PARD3: variants seen among roughly 807,000 people sequenced by gnomAD.
PARD3 encodes the protein partitioning defective 3 homolog.
Under a neutral mutation model 155.4 loss-of-function variants are expected in PARD3, and 75 were observed. The ratio of observed to expected loss-of-function variants is 0.48; its 90% CI spans 0.40 to 0.58. The LOEUF (loss-of-function observed/expected upper bound fraction) is 0.58, where lower values mean the gene tolerates loss of function less well. Ranked by LOEUF, PARD3 falls within the 20% of genes least tolerant of loss-of-function variation. The pLI is 0.00. For synonymous variants in PARD3, 576 were observed against 610.5 expected (o/e 0.94, Z 0.83); for missense variants, 1,642 against 1,721.7 (o/e 0.95, Z 0.82).
At chr10:34,434,511 G>A (rs2076095558) in intron 5 of PARD3, among the ~76,000 whole-genome samples, 1 of 152,206 alleles carries the variant, frequency 6.6e-6, no homozygotes, top group Non-Finnish European at 1.5e-5. Context: ...ACTTCAAGCA[G>A]CTGTTAACCA....
At chr10:34,444,956 G>A (rs1355619468) in intron 5 of PARD3, among the ~76,000 whole-genome samples, 5 of 152,092 alleles carry the variant, frequency 3.3e-5, no homozygotes, top group African/African-American at 1.2e-4. Flanking sequence ...AACCACTGGA[G>A]GCACATAAAA....
chr10:34,274,095 C>T (rs1955761927), intron 21 of PARD3, among the ~76,000 whole-genome samples: 1 of 152,082 alleles, frequency 6.6e-6, no homozygotes, highest in African/African-American at 2.4e-5. Flanking sequence ...AGGTGACAAC[C>T]AATGACTTTC....
intron 2 of PARD3, among the ~76,000 whole-genome samples, chr10:34,664,595 C>T (rs1356934968): frequency 6.6e-6 from 1 of 152,182 alleles, no homozygotes; most frequent in Non-Finnish European, 1.5e-5. Flanking sequence ...CAGAGATTCT[C>T]CTGCCTCAGC....
intron 1 of PARD3, among the ~76,000 whole-genome samples, chr10:34,729,009 C>G (rs2094768859): frequency 6.6e-6 from 1 of 152,136 alleles, no homozygotes; most frequent in African/African-American, 2.4e-5. Context: ...CTGCAGTATT[C>G]AGGACAGTAA....
In PARD3 at chr10:34,470,202, G is replaced by A. The variant is rs1337493336; in HGVS notation, c.465C>T (p.Val155=). The part of the protein sequence containing the change: ...DPALIGLSTS[V]SDSNFSSEEP... ...CTTCAGAGGAAAAATTACTATCACT[G>A]ACAGAAGTGGAGAGGCCAATTAGAG... The change falls in exon 4 of 25, where the codon GTC becomes GTT. Residue 155 remains valine, a synonymous_variant. Coordinates refer to ENST00000374788, the MANE Select transcript of PARD3 (RefSeq NM_001184785.2). 6.2e-7 allele frequency: 1 copy of A among 1,613,044 alleles called. No individual in the cohort carries two copies. The highest frequency in any genetic ancestry group is 1.3e-5 in the African/African-American group (1 of 74,906).
rs1953326508 is a variant in PARD3, at chr10:34,237,722, C to T, written c.3419+31935G>A. 2.0e-5 allele frequency among the ~76,000 whole-genome samples: 3 copies of T among 152,290 alleles called. No individual in the cohort carries two copies. In the South Asian group the frequency reaches 6.2e-4, roughly 32 times the overall value. On this transcript the variant is annotated intron_variant, in intron 22 of 24. Coordinates refer to ENST00000374788, the MANE Select transcript of PARD3 (RefSeq NM_001184785.2). Reference sequence around the variant, plus strand: ...ATTATTCTGATATATATTATAACCCCACATTACATTGTTAAAATAATAAAG... The same window carrying T: ...ATTATTCTGATATATATTATAACCCTACATTACATTGTTAAAATAATAAAG...
At chr10:34,241,391 C>T (rs1240964161) in intron 22 of PARD3, among the ~76,000 whole-genome samples, 1 of 152,042 alleles carries the variant, frequency 6.6e-6, no homozygotes, top group Non-Finnish European at 1.5e-5. Flanking sequence ...CTGGGGAGCA[C>T]CGGTGGAGGG....
chr10:34,271,195 T>G (rs1309609410), intron 21 of PARD3, among the ~76,000 whole-genome samples: 1 of 151,630 alleles, frequency 6.6e-6, no homozygotes, highest in Non-Finnish European at 1.5e-5. Context: ...TTCAAAAGAA[T>G]TCAGAAAAGA....
chr10:34,214,463 C>G (rs954866553), intron 22 of PARD3, among the ~76,000 whole-genome samples: 1 of 152,056 alleles, frequency 6.6e-6, no homozygotes, highest in South Asian at 2.1e-4. Context: ...TGGTGATGCC[C>G]GTTTCTGGGC....
intron 23 of PARD3, among the ~76,000 whole-genome samples, chr10:34,125,753 T>C (rs532854023): frequency 1.0e-3 from 154 of 152,174 alleles, no homozygotes; most frequent in Middle Eastern, 6.8e-3. Flanking sequence ...GAGAAGAGGA[T>C]ATTCACATTG....
intron 22 of PARD3, among the ~76,000 whole-genome samples, chr10:34,155,814 C>T (rs1372094291): frequency 6.6e-6 from 1 of 151,988 alleles, no homozygotes; most frequent in Admixed American, 6.6e-5. Flanking sequence ...CATGCAGACG[C>T]TCTGAGAATT....
At chr10:34,543,123 A>G (rs539929312) in intron 2 of PARD3, among the ~76,000 whole-genome samples, 75 of 150,758 alleles carry the variant, frequency 5.0e-4, no homozygotes, top group African/African-American at 1.2e-3. Flanking sequence ...AATTTAGGGG[A>G]AAAAAAAGCA....
chr10:34,282,168 A>T (rs894067446), intron 21 of PARD3, among the ~76,000 whole-genome samples: 1 of 147,870 alleles, frequency 6.8e-6, no homozygotes, highest in Non-Finnish European at 1.5e-5. Context: ...CTATTACAAA[A>T]TCCATAAGTT....
intron 2 of PARD3, among the ~76,000 whole-genome samples, chr10:34,651,997 T>A (rs1305206671): frequency 6.6e-6 from 1 of 152,168 alleles, no homozygotes; most frequent in East Asian, 1.9e-4. Context: ...ATCCCCACTG[T>A]CAGTCGCAGC....
chr10:34,674,733 T>G lies in PARD3; in HGVS notation c.222+21585A>C, dbSNP rs184021242. Among the ~76,000 whole-genome samples, 43 of 152,146 alleles carry G rather than the reference T, an allele frequency of 2.8e-4. No homozygotes were observed. In the East Asian group the frequency reaches 7.7e-3, roughly 27 times the overall value. ...AACTCCTGACCTAAGGTGATCCACCTGTCTCGGCCTCCCAAAGTGCTGGGA... is the reference window on the plus strand; with the variant it reads ...AACTCCTGACCTAAGGTGATCCACCGGTCTCGGCCTCCCAAAGTGCTGGGA... On this transcript the variant is annotated intron_variant, in intron 2 of 24. Transcript: ENST00000374788.
At chr10:34,355,239 ATTGC>A (rs1223545254) in intron 14 of PARD3, among the ~76,000 whole-genome samples, 2 of 152,130 alleles carry the variant, frequency 1.3e-5, no homozygotes, top group Non-Finnish European at 2.9e-5. Context: ...AGGTGGCAGG[ATTGC>A]TTGAGCATGG....
intron 3 of PARD3, among the ~76,000 whole-genome samples, chr10:34,514,769 G>C (rs2081607730): frequency 6.6e-6 from 1 of 152,182 alleles, no homozygotes; most frequent in African/African-American, 2.4e-5. Flanking sequence ...AATGTGGATG[G>C]TTATGTGTTA....
At chr10:34,450,254 A>G in intron 5 of PARD3, 63 bp downstream of exon 5, 1 of 1,464,456 alleles carries the variant, frequency 6.8e-7, no homozygotes, top group Non-Finnish European at 9.3e-7. Flanking sequence ...TGGGAGAAAC[A>G]TCTTTGGGGT....
At chr10:34,236,554 C>A (rs191126300) in intron 22 of PARD3, among the ~76,000 whole-genome samples, 1 of 152,052 alleles carries the variant, frequency 6.6e-6, no homozygotes, top group Non-Finnish European at 1.5e-5. Flanking sequence ...CCTTTTGTTG[C>A]GCTACTGTTG....
Sources: gnomAD v4.1 joint callset for allele counts (sites outside exome capture counted in the v4.1 genomes callset) on GRCh38, gnomAD v4.1.1 for gene constraint, MANE v1.5 for transcripts, NCBI Gene and HGNC (gene_info 2026-07-23, HGNC 2026-07-21) for gene names.